LRP1B: variants seen among roughly 807,000 people sequenced by gnomAD.
LRP1B encodes the protein LDL receptor related protein 1B.
Under a neutral mutation model 556.6 loss-of-function variants are expected in LRP1B, and 217 were observed. That is an observed-to-expected ratio of 0.39 (90% CI 0.35 to 0.44). The LOEUF is 0.44. Among genes scored for constraint, LRP1B ranks in the 20% least tolerant of loss-of-function variants. The pLI is 1.00. For missense variants in LRP1B, 5,053 were observed against 5,620.8 expected (o/e 0.90, Z 3.23); for synonymous variants, 2,047 against 1,865.8 (o/e 1.10, Z -2.50).
chr2:140,251,603 C>T (rs1290701450), intron 86 of LRP1B, among the ~76,000 whole-genome samples: 3 of 151,832 alleles, frequency 2.0e-5, no homozygotes, highest in Non-Finnish European at 4.4e-5. Context: ...TCCTCTTATA[C>T]GTATGTGCAA....
At chr2:140,963,183 C>A (rs1696089681) in intron 18 of LRP1B, among the ~76,000 whole-genome samples, 1 of 151,830 alleles carries the variant, frequency 6.6e-6, no homozygotes, top group African/African-American at 2.4e-5. Flanking sequence ...AACTGAACAC[C>A]TTTCAAAATA....
chr2:141,219,484 T>G (rs1682947690), intron 6 of LRP1B, among the ~76,000 whole-genome samples: 1 of 152,194 alleles, frequency 6.6e-6, no homozygotes. Flanking sequence ...GGTGTGACCG[T>G]GATCTTGAAT....
chr2:141,089,915 C>T (rs16845404), intron 7 of LRP1B, among the ~76,000 whole-genome samples: 4,270 of 152,282 alleles, frequency 0.028, 183 homozygotes, highest in East Asian at 0.14. Flanking sequence ...TTTTGAAACA[C>T]CTGTAGTGCC....
At chr2:140,330,698 GT>G (rs67857905) in intron 79 of LRP1B, among the ~76,000 whole-genome samples, 73,112 of 151,838 alleles carry the variant, frequency 0.48, 18,047 homozygotes, top group Non-Finnish European at 0.53. Context: ...AAAAGCAATT[GT>G]TAACAAGAAA....
At chr2:142,023,739 A>C (rs1703417301) in intron 1 of LRP1B, among the ~76,000 whole-genome samples, 1 of 152,202 alleles carries the variant, frequency 6.6e-6, no homozygotes, top group South Asian at 2.1e-4. Flanking sequence ...GCTGATGGAA[A>C]GGTAGTTTGA....
intron 83 of LRP1B, among the ~76,000 whole-genome samples, chr2:140,301,626 T>C (rs114991862): frequency 0.02 from 3,101 of 152,124 alleles, 40 homozygotes; most frequent in African/African-American, 0.028. Flanking sequence ...AATATATTAC[T>C]TTCTTTATGC....
chr2:141,943,750 G>A (rs983358594), intron 1 of LRP1B, among the ~76,000 whole-genome samples: 1 of 151,996 alleles, frequency 6.6e-6, no homozygotes, highest in Non-Finnish European at 1.5e-5. Flanking sequence ...ATGACTTGAA[G>A]TAGAATAGAA....
rs201755085 is a variant in LRP1B, at chr2:141,957,053, G to A, written c.83-146652C>T. The stretch of plus-strand genomic sequence containing the variant: ...GAAGATGTTCTTTGATTTGGAATAA[G>A]AATCTAGACTTAATACTCCTTAGTA... On this transcript the variant is annotated intron_variant, in intron 1 of 90. Coordinates refer to ENST00000389484, the MANE Select transcript of LRP1B (RefSeq NM_018557.3). Among the ~76,000 whole-genome samples the A allele has an allele frequency of 9.9e-5, 15 of 152,134 alleles. No individual in the cohort carries two copies. In the East Asian group the frequency reaches 2.9e-3, roughly 30 times the overall value.
chr2:141,701,473 A>T (rs188060406), intron 2 of LRP1B, among the ~76,000 whole-genome samples: 1 of 151,736 alleles, frequency 6.6e-6, no homozygotes, highest in African/African-American at 2.4e-5. Flanking sequence ...TATTCCTTCT[A>T]TTCTTATGTC....
At position 141,478,727 on chromosome 2, in the gene LRP1B, T is replaced by G. The variant is rs531576530; in HGVS notation, c.343+1669A>C. Reference sequence around the variant, plus strand: ...GCCGGCTAATTTTTTGTTTTTTTAATAGAGACAGGGTTTCATCACGTTGGC... The same window carrying G: ...GCCGGCTAATTTTTTGTTTTTTTAAGAGAGACAGGGTTTCATCACGTTGGC... On this transcript the variant is annotated intron_variant, in intron 3 of 90. Coordinates refer to ENST00000389484, the MANE Select transcript of LRP1B (RefSeq NM_018557.3). Among the ~76,000 whole-genome samples, 4 of 152,132 alleles carry G rather than the reference T, an allele frequency of 2.6e-5. No individual in the cohort carries two copies. The South Asian group carries it at 6.2e-4, about 24-fold the overall frequency.
At chr2:141,547,362 C>G (rs939039582) in intron 2 of LRP1B, among the ~76,000 whole-genome samples, 1 of 152,222 alleles carries the variant, frequency 6.6e-6, no homozygotes, top group Admixed American at 6.5e-5. Context: ...GATAATTGGC[C>G]TCCCAATTTG....
At chr2:141,934,680 G>A (rs777959483) in intron 1 of LRP1B, among the ~76,000 whole-genome samples, 5 of 152,056 alleles carry the variant, frequency 3.3e-5, no homozygotes, top group Admixed American at 2.0e-4. Flanking sequence ...TCTCATGATA[G>A]TGAGCAAGTT....
At chr2:141,342,615 G>A (rs1229581484) in intron 3 of LRP1B, among the ~76,000 whole-genome samples, 1 of 151,770 alleles carries the variant, frequency 6.6e-6, no homozygotes, top group African/African-American at 2.4e-5. Context: ...GCAGAAGAAA[G>A]GATATCAGAG....
intron 2 of LRP1B, among the ~76,000 whole-genome samples, chr2:141,698,465 C>G (rs1691813195): frequency 6.8e-6 from 1 of 146,176 alleles, no homozygotes; most frequent in African/African-American, 2.6e-5. Context: ...TAAGTGAGAT[C>G]CAGACATTGC....
chr2:141,328,249 C>T (rs1243705669), intron 3 of LRP1B, among the ~76,000 whole-genome samples: 1 of 152,176 alleles, frequency 6.6e-6, no homozygotes, highest in Non-Finnish European at 1.5e-5. Context: ...TCTTAACTTT[C>T]TCAGCTGTAA....
At chr2:141,371,309 A>G (rs72983130) in intron 3 of LRP1B, among the ~76,000 whole-genome samples, 10,210 of 152,224 alleles carry the variant, frequency 0.067, 452 homozygotes, top group African/African-American at 0.11. Flanking sequence ...CAGACAATGT[A>G]ATGCTTCTAG....
At chr2:141,624,026 A>AAAAGAAAC (rs1688605864) in intron 2 of LRP1B, among the ~76,000 whole-genome samples, 2 of 123,044 alleles carry the variant, frequency 1.6e-5, no homozygotes, top group African/African-American at 2.9e-5. Flanking sequence ...AAAAAAAAAA[A>AAAAGAAAC]AAAATTAAAC....
chr2:140,440,233 A>G (rs183333631), intron 66 of LRP1B, among the ~76,000 whole-genome samples: 70 of 152,288 alleles, frequency 4.6e-4, no homozygotes, highest in Non-Finnish European at 8.8e-4. Flanking sequence ...AAGTATGGAC[A>G]CAAACTGAAA....
rs554438937 is a variant in LRP1B at position 142,036,044 on chromosome 2, A to G, written c.82+94604T>C. Among the ~76,000 whole-genome samples the G allele has an allele frequency of 6.6e-5, 10 of 151,794 alleles. No homozygotes were observed. In the South Asian group the frequency reaches 2.1e-3, roughly 32 times the overall value. ...GTGATTCTGAGGCCTCCCCAGCCAC[A>G]TGGAAATGTAAATCCAATTAAACCT... On this transcript the variant is annotated intron_variant, in intron 1 of 90. Transcript: ENST00000389484.
Sources: gnomAD v4.1 joint callset for allele counts (sites outside exome capture counted in the v4.1 genomes callset) on GRCh38, gnomAD v4.1.1 for gene constraint, MANE v1.5 for transcripts, NCBI Gene and HGNC (gene_info 2026-07-23, HGNC 2026-07-21) for gene names.